NEDD9: variants seen among roughly 807,000 people sequenced by gnomAD.
The protein encoded by NEDD9 is enhancer of filamentation 1.
In NEDD9, 26 loss-of-function variants were observed where a neutral mutation model predicts 76.6. That is an observed-to-expected ratio of 0.34 (90% CI 0.25 to 0.47). The LOEUF (loss-of-function observed/expected upper bound fraction) is 0.47, where lower values mean the gene tolerates loss of function less well. Ranked by LOEUF, NEDD9 falls within the 20% of genes least tolerant of loss-of-function variation. The probability of loss-of-function intolerance (pLI) is 1.00; values close to 1 mark genes in which losing one functional copy is unlikely to be tolerated. For synonymous variants in NEDD9, 392 were observed against 414.2 expected, an observed-to-expected ratio of 0.95 and a Z score of 0.65; for missense variants, 937 against 1,058.5, an observed-to-expected ratio of 0.89 and a Z score of 1.59.
chr6:11,218,664 A>G (rs935475519), intron 1 of NEDD9, among the ~76,000 whole-genome samples: 1 of 152,170 alleles, frequency 6.6e-6, no homozygotes. Context: ...TGATTTCCTC[A>G]TTGTCTGCAG....
At chr6:11,250,634 G>A (rs1307808776) in intron 3 of NEDD9, among the ~76,000 whole-genome samples, 2 of 152,126 alleles carry the variant, frequency 1.3e-5, no homozygotes, top group Non-Finnish European at 2.9e-5. Context: ...AGGTCCCCAG[G>A]AGACACCTGT....
chr6:11,261,844 G>T (rs1178093295), intron 3 of NEDD9, among the ~76,000 whole-genome samples: 1 of 152,026 alleles, frequency 6.6e-6, no homozygotes, highest in African/African-American at 2.4e-5. Flanking sequence ...GAGCACTTCG[G>T]CCCAGCGGTG....
At chr6:11,272,060 T>C (rs1760319288) in intron 3 of NEDD9, among the ~76,000 whole-genome samples, 2 of 152,152 alleles carry the variant, frequency 1.3e-5, no homozygotes, top group African/African-American at 4.8e-5. Context: ...AGCTGTCATA[T>C]CAAAGGACAG....
At chr6:11,372,165 C>A (rs926991829) in intron 1 of NEDD9, among the ~76,000 whole-genome samples, 1 of 151,674 alleles carries the variant, frequency 6.6e-6, no homozygotes, top group Admixed American at 6.6e-5. Flanking sequence ...CCTTCCCAGC[C>A]CCTGGTAACC....
At chr6:11,253,756 T>C (rs1265796054) in intron 3 of NEDD9, among the ~76,000 whole-genome samples, 1 of 152,216 alleles carries the variant, frequency 6.6e-6, no homozygotes, top group Non-Finnish European at 1.5e-5. Flanking sequence ...CATATGTGAA[T>C]GCAACATCAG....
At chr6:11,378,264 A>G (rs889594302) in intron 1 of NEDD9, among the ~76,000 whole-genome samples, 2 of 152,148 alleles carry the variant, frequency 1.3e-5, no homozygotes, top group Admixed American at 6.6e-5. Context: ...CTGATTGTTT[A>G]AAAGAGTGTG....
chr6:11,217,854 C>T (rs1456556329), intron 1 of NEDD9, among the ~76,000 whole-genome samples: 1 of 152,192 alleles, frequency 6.6e-6, no homozygotes, highest in African/African-American at 2.4e-5. Flanking sequence ...ATTGCAGCAG[C>T]CTCTAGCCTT....
chr6:11,276,099 G>T (rs1220499495), intron 3 of NEDD9, among the ~76,000 whole-genome samples: 1 of 152,072 alleles, frequency 6.6e-6, no homozygotes, highest in Non-Finnish European at 1.5e-5. Flanking sequence ...CAAACAATAC[G>T]CTAGATTTGG....
intron 3 of NEDD9, among the ~76,000 whole-genome samples, chr6:11,300,868 A>C (rs1319385160): frequency 6.6e-6 from 1 of 152,232 alleles, no homozygotes; most frequent in East Asian, 1.9e-4. Flanking sequence ...TGAAGGAAGC[A>C]CTAAGCATGG....
chr6:11,189,598 G>T (rs1400034099), intron 5 of NEDD9, among the ~76,000 whole-genome samples: 2 of 152,104 alleles, frequency 1.3e-5, no homozygotes, highest in Non-Finnish European at 2.9e-5. Flanking sequence ...AGTGGAGCTG[G>T]TATTATTATT....
At chr6:11,303,514 C>G (rs1761106122) in intron 3 of NEDD9, among the ~76,000 whole-genome samples, 1 of 150,100 alleles carries the variant, frequency 6.7e-6, no homozygotes, top group African/African-American at 2.5e-5. Flanking sequence ...GAAAAAACTA[C>G]TTAAAAGAAC....
chr6:11,227,660 T>C (rs564256664), intron 1 of NEDD9, among the ~76,000 whole-genome samples: 17 of 152,156 alleles, frequency 1.1e-4, no homozygotes, highest in Middle Eastern at 3.2e-3. Flanking sequence ...TACATACAAA[T>C]AGAGGGTGGG....
At chr6:11,338,993 G>A (rs1014167503) in intron 1 of NEDD9, among the ~76,000 whole-genome samples, 8 of 148,700 alleles carry the variant, frequency 5.4e-5, no homozygotes, top group African/African-American at 7.4e-5. Flanking sequence ...TTTTTCAACC[G>A]AGAAATAAAA....
intron 3 of NEDD9, among the ~76,000 whole-genome samples, chr6:11,257,295 T>C (rs537414274): frequency 2.6e-5 from 4 of 152,320 alleles, no homozygotes; most frequent in East Asian, 1.9e-4. Context: ...ACCTTCAGTT[T>C]TGACAGCCAA....
At chr6:11,195,573 T>C (rs1285604611) in intron 2 of NEDD9, among the ~76,000 whole-genome samples, 1 of 152,236 alleles carries the variant, frequency 6.6e-6, no homozygotes. Flanking sequence ...CACCTGCTCA[T>C]AGTGCAGCTT....
intron 3 of NEDD9, among the ~76,000 whole-genome samples, chr6:11,303,416 A>C (rs991208277): frequency 1.3e-5 from 2 of 152,258 alleles, no homozygotes; most frequent in African/African-American, 4.8e-5. Flanking sequence ...AGGAAGAATC[A>C]ATATTATGAA....
intron 1 of NEDD9, among the ~76,000 whole-genome samples, chr6:11,345,467 A>G (rs1212221737): frequency 1.3e-5 from 2 of 151,032 alleles, no homozygotes; most frequent in Non-Finnish European, 3.0e-5. Flanking sequence ...AGAGAGAGAG[A>G]GTGTGTGTGT....
At chr6:11,363,097 A>G (rs1346559430) in intron 1 of NEDD9, among the ~76,000 whole-genome samples, 4 of 152,194 alleles carry the variant, frequency 2.6e-5, no homozygotes, top group Non-Finnish European at 5.9e-5. Flanking sequence ...GGTTGCAGTC[A>G]ATGACTTCAT....
intron 2 of NEDD9, among the ~76,000 whole-genome samples, chr6:11,312,930 C>T (rs1001119669): frequency 2.0e-5 from 3 of 152,134 alleles, no homozygotes; most frequent in African/African-American, 7.2e-5. Flanking sequence ...AAAAGTACTG[C>T]AATGTCTTTC....
Sources: allele counts gnomAD v4.1 joint callset (sites outside exome capture counted in the v4.1 genomes callset), GRCh38; gene constraint gnomAD v4.1.1; transcripts MANE v1.5; gene names NCBI Gene and HGNC (gene_info 2026-07-23, HGNC 2026-07-21).